CLPSL1: variants seen among roughly 807,000 people sequenced by gnomAD.
The protein encoded by CLPSL1 is colipase-like protein 1.
Under a neutral mutation model 9.3 loss-of-function variants are expected in CLPSL1, and 13 were observed. The observed-to-expected ratio is 1.40, with a 90% CI of 0.91 to 2.22. The LOEUF (loss-of-function observed/expected upper bound fraction) is 2.22. Among genes scored for constraint, CLPSL1 ranks in the 30% most tolerant of loss-of-function variants. The pLI is 0.00. For synonymous variants in CLPSL1, 58 were observed against 56.9 expected (o/e 1.02, Z -0.08); for missense variants, 164 against 146.6 (o/e 1.12, Z -0.61).
chr6:35,787,246 C>G, intron 2 of CLPSL1, 126 bp downstream of exon 2: 1 of 1,165,380 alleles, frequency 8.6e-7, no homozygotes, highest in East Asian at 2.5e-5. Flanking sequence ...GGAATTCCCC[C>G]GTGGGACTGC....
chr6:35,782,407 T>C (rs542954978), intron 1 of CLPSL1, among the ~76,000 whole-genome samples: 1 of 152,292 alleles, frequency 6.6e-6, no homozygotes, highest in East Asian at 1.9e-4. Context: ...GCAGTGAACG[T>C]GAGAGCAGAA....
intron 1 of CLPSL1, among the ~76,000 whole-genome samples, chr6:35,785,368 G>A (rs1447660855): frequency 5.9e-5 from 9 of 151,754 alleles, no homozygotes; most frequent in South Asian, 2.1e-4. Context: ...TAGTAGAGAC[G>A]GGGTTTCACC....
Position 35,787,016 on chromosome 6 carries a change from A to C in CLPSL1, c.118A>C (p.Ile40Leu), listed in dbSNP as rs1226441924. ...YNLLELKESC[I>L]RNQDCETGCC... Reference sequence around the variant, plus strand: ...CCTGCAGGAGCTCAAGGAGTCTTGCATCCGGAACCAGGACTGCGAGACTGG... The same window carrying C: ...CCTGCAGGAGCTCAAGGAGTCTTGCCTCCGGAACCAGGACTGCGAGACTGG... The change falls in exon 2 of 3, where the codon ATC becomes CTC. Residue 40 changes from isoleucine to leucine, a missense_variant. By Grantham distance (5) the Ile-to-Leu change is conservative. Transcript: ENST00000373861. 2 of 1,585,840 alleles carry C rather than the reference A, an allele frequency of 1.3e-6. No individual in the cohort carries two copies. The highest frequency in any genetic ancestry group is 2.7e-5 in the African/African-American group (2 of 74,786).
At chr6:35,781,669 A>G (rs1221000437) in intron 1 of CLPSL1, among the ~76,000 whole-genome samples, 1 of 152,030 alleles carries the variant, frequency 6.6e-6, no homozygotes, top group Non-Finnish European at 1.5e-5. Flanking sequence ...GTGATAAGCA[A>G]GGAAAGGGAA....
rs1480321143 is a variant in CLPSL1, at chr6:35,787,898, G to T, written c.254G>T (p.Cys85Phe). 8 of 1,608,058 alleles carry T rather than the reference G, an allele frequency of 5.0e-6. No individual in the cohort carries two copies. Among genetic ancestry groups the T allele is most frequent in the Non-Finnish European group, 6.0e-6 (7 of 1,174,712 alleles). Residue 85 changes from cysteine (C) to phenylalanine (F), a missense_variant, in exon 3 of 3, where the codon TGC becomes TTC. Coordinates refer to ENST00000373861, the MANE Select transcript of CLPSL1 (RefSeq NM_001010886.5). The part of the protein sequence containing the change: ...VFFGQYRACP[C>F]LRNLTCIYSK... ...TTTGGCCAATATAGAGCGTGTCCCT[G>T]CCTGCGGAACCTGACTTGTATATAT...
intron 1 of CLPSL1, among the ~76,000 whole-genome samples, chr6:35,781,774 C>G (rs1767972488): frequency 7.1e-6 from 1 of 141,252 alleles, no homozygotes; most frequent in Non-Finnish European, 1.5e-5. Context: ...GGGACAGAGT[C>G]TTGCTTTGTC....
chr6:35,785,205 T>C (rs1581952353), intron 1 of CLPSL1, among the ~76,000 whole-genome samples: 1 of 127,298 alleles, frequency 7.9e-6, no homozygotes, highest in African/African-American at 3.1e-5. Context: ...TGAGACAGAG[T>C]CTCGCTTTGT....
intron 1 of CLPSL1, among the ~76,000 whole-genome samples, chr6:35,785,204 G>A (rs1465808894): frequency 1.5e-5 from 2 of 134,300 alleles, no homozygotes; most frequent in African/African-American, 5.7e-5. Flanking sequence ...TTGAGACAGA[G>A]TCTCGCTTTG....
At chr6:35,790,483 G>A (rs1237138857), downstream of CLPSL1, among the ~76,000 whole-genome samples, 1 of 152,266 alleles carries the variant, frequency 6.6e-6, no homozygotes, top group Non-Finnish European at 1.5e-5. Flanking sequence ...CGATAAAAGA[G>A]AAATGACCGA....
At chr6:35,789,893 C>CA (rs113836042), downstream of CLPSL1, among the ~76,000 whole-genome samples, 30,767 of 147,632 alleles carry the variant, frequency 0.21, 660 homozygotes, top group South Asian at 0.28. Flanking sequence ...GACCCTGTCT[C>CA]AAAAAAAAAA....
downstream of CLPSL1, among the ~76,000 whole-genome samples, chr6:35,789,926 G>A (rs994181131): frequency 1.6e-4 from 24 of 152,192 alleles, no homozygotes; most frequent in African/African-American, 5.5e-4. Context: ...AAATTTTATG[G>A]TTTGGTTTTG....
chr6:35,782,678 C>A (rs941902847), intron 1 of CLPSL1, among the ~76,000 whole-genome samples: 1 of 152,062 alleles, frequency 6.6e-6, no homozygotes, highest in Admixed American at 6.5e-5. Flanking sequence ...GATTCAGAGC[C>A]CCAGTGATGG....
At chr6:35,786,644 A>C (rs1768077848) in intron 1 of CLPSL1, among the ~76,000 whole-genome samples, 1 of 152,142 alleles carries the variant, frequency 6.6e-6, no homozygotes, top group African/African-American at 2.4e-5. Context: ...GTAGGTGACC[A>C]TCAGGCACAG....
rs768269882 is a variant in CLPSL1 at position 35,787,137 on chromosome 6, G to C, written c.222+17G>C. On this transcript the variant is annotated intron_variant, in intron 2 of 2. Coordinates refer to ENST00000373861, the MANE Select transcript of CLPSL1 (RefSeq NM_001010886.5). Reference sequence around the variant, plus strand: ...CAAACGCAGGTGGGTATCGCCGCCCGGGGGGAGCCAGAGGGGATCCAGGGG... The same window carrying C: ...CAAACGCAGGTGGGTATCGCCGCCCCGGGGGAGCCAGAGGGGATCCAGGGG... 43 of 1,608,670 alleles carry C rather than the reference G, an allele frequency of 2.7e-5. No individual in the cohort carries two copies. Among genetic ancestry groups the C allele is most frequent in the Non-Finnish European group, 3.6e-5 (42 of 1,177,878 alleles).
chr6:35,791,723 G>A (rs1317883046), downstream of CLPSL1, among the ~76,000 whole-genome samples: 1 of 152,192 alleles, frequency 6.6e-6, no homozygotes, highest in African/African-American at 2.4e-5. Flanking sequence ...TTGAGCCTAG[G>A]AGTTTAAGAC....
intron 1 of CLPSL1, among the ~76,000 whole-genome samples, chr6:35,786,039 T>C (rs1581952967): frequency 6.9e-6 from 1 of 144,438 alleles, no homozygotes; most frequent in African/African-American, 2.6e-5. Context: ...CCGAGGCGGG[T>C]GGATCACCTG....
chr6:35,787,084 G>T lies in CLPSL1; in HGVS notation c.186G>T (p.Ala62=). ...CAGACAATTGCGAGTCGCACTGCGC[G>T]GAGAAGGGGTCCGAGGGCAGTCTGT... is the stretch of plus-strand genomic sequence containing the variant. ...RAPDNCESHC[A]EKGSEGSLCQ... The change falls in exon 2 of 3, where the codon GCG becomes GCT. Residue 62 remains alanine, a synonymous_variant. Coordinates refer to ENST00000373861, the MANE Select transcript of CLPSL1 (RefSeq NM_001010886.5). The T allele has an allele frequency of 2.5e-6, 4 of 1,610,418 alleles. No individual in the cohort carries two copies. The highest frequency in any genetic ancestry group is 1.3e-5 in the African/African-American group (1 of 75,080).
chr6:35,781,060 C>G lies in CLPSL1; in HGVS notation c.-51C>G. On this transcript the variant is annotated 5_prime_UTR_variant, in exon 1 of 3. Coordinates refer to ENST00000373861, the MANE Select transcript of CLPSL1 (RefSeq NM_001010886.5). ...GCTGGGAGGACACCCACATGGTCGGCGTGCAGGATATTTCGCTGGACCCTA... is the reference window on the plus strand; with the variant it reads ...GCTGGGAGGACACCCACATGGTCGGGGTGCAGGATATTTCGCTGGACCCTA... 1 of 1,603,614 alleles carries G rather than the reference C, an allele frequency of 6.2e-7. No individual in the cohort carries two copies. The highest frequency in any genetic ancestry group is 8.5e-7 in the Non-Finnish European group (1 of 1,174,826).
intron 1 of CLPSL1, among the ~76,000 whole-genome samples, chr6:35,786,085 C>T (rs1463602944): frequency 1.3e-5 from 2 of 151,800 alleles, no homozygotes; most frequent in South Asian, 2.1e-4. Flanking sequence ...GCCAGCATGG[C>T]GAAACCCCGT....
Sources: allele counts gnomAD v4.1 joint callset (sites outside exome capture counted in the v4.1 genomes callset), GRCh38; gene constraint gnomAD v4.1.1; transcripts MANE v1.5; gene names NCBI Gene and HGNC (gene_info 2026-07-23, HGNC 2026-07-21).